The following WWP1 variants were observed in gnomAD, a reference collection of about 807,000 sequenced individuals.
WWP1 encodes the protein NEDD4-like E3 ubiquitin-protein ligase WWP1.
A neutral mutation model predicts 130.6 loss-of-function variants in WWP1; 49 were observed. That is an observed-to-expected ratio of 0.38 (90% CI 0.30 to 0.48). The LOEUF is 0.48. Ranked by LOEUF, WWP1 falls within the 20% of genes least tolerant of loss-of-function variation. The pLI is 0.99. For missense variants in WWP1, 809 were observed against 1,100.6 expected (o/e 0.74, Z 3.75); for synonymous variants, 332 against 367.8 (o/e 0.90, Z 1.11).
At chr8:86,461,509 A>G (rs899705240) in intron 23 of WWP1, 189 bp downstream of exon 23, 3 of 633,604 alleles carry the variant, frequency 4.7e-6, no homozygotes, top group South Asian at 4.0e-5. Flanking sequence ...GTGTCCTCAT[A>G]TAGCTGAGGT....
Position 86,427,717 on chromosome 8 carries a change from G to C in WWP1, c.1232G>C (p.Arg411Pro). The change falls in exon 11 of 25, where the codon CGG becomes CCG. Residue 411 changes from arginine to proline, a missense_variant. Around this residue, in one of 3 missense-constraint regions of WWP1, gnomAD observed 450 missense variants for 674.2 expected, o/e 0.67. Transcript: ENST00000517970. ...AACACCAGAACAACAACGTGGCAGC[G>C]GCCTACCATGGAATCTGTCCGAAAT... ...DHNTRTTTWQ[R>P]PTMESVRNFE... is the part of the protein sequence containing the mutation. 1 of 1,613,958 alleles carries C rather than the reference G, an allele frequency of 6.2e-7. No homozygotes were observed. Among genetic ancestry groups the C allele is most frequent in the Non-Finnish European group, 8.5e-7 (1 of 1,179,940 alleles).
intron 14 of WWP1, among the ~76,000 whole-genome samples, chr8:86,433,579 A>G (rs1278350810): frequency 5.9e-5 from 9 of 151,918 alleles, no homozygotes; most frequent in African/African-American, 1.9e-4. Flanking sequence ...AACAACAACA[A>G]AAACCCAGCT....
At chr8:86,396,165 C>A (rs1383762228) in intron 5 of WWP1, among the ~76,000 whole-genome samples, 1 of 151,632 alleles carries the variant, frequency 6.6e-6, no homozygotes, top group Non-Finnish European at 1.5e-5. Context: ...GTGGCGCGAT[C>A]TCAGCTCATT....
Position 86,342,817 on chromosome 8 carries a change from C to A in WWP1, c.-228C>A. ...CCGACGCCTGGGTGGCTGCTGCCGCCGCGCCTGCTGCGAGATGGCGATCTT... is the reference window on the plus strand; with the variant it reads ...CCGACGCCTGGGTGGCTGCTGCCGCAGCGCCTGCTGCGAGATGGCGATCTT... On this transcript the variant is annotated 5_prime_UTR_variant, in exon 1 of 25. Transcript: ENST00000517970. The A allele has an allele frequency of 2.7e-6, 1 of 369,046 alleles. No individual in the cohort carries two copies. Among genetic ancestry groups the A allele is most frequent in the Non-Finnish European group, 4.8e-6 (1 of 206,906 alleles). The allele number at this position is 369,046 out of a possible 1,614,324, so 22.9% of individuals were successfully genotyped here. A position where few individuals can be genotyped will look rare whatever the true frequency, so the allele number is the denominator to read the frequency against.
rs1563481313 is a variant in WWP1, at chr8:86,380,772, A to G, written c.117A>G (p.Ala39=). ...LKRKKNWFGT[A]IYTEVVVDGE... is the part of the protein sequence containing the mutation. ...GAAAAAAGAACTGGTTCGGAACAGCAATATATACAGAAGTAGTTGTAGATG... is the reference window on the plus strand; with the variant it reads ...GAAAAAAGAACTGGTTCGGAACAGCGATATATACAGAAGTAGTTGTAGATG... Residue 39 remains alanine, a synonymous_variant, in exon 4 of 25, where the codon GCA becomes GCG. Transcript: ENST00000517970. 6 of 1,612,804 alleles carry G rather than the reference A, an allele frequency of 3.7e-6. No individual in the cohort carries two copies. Among genetic ancestry groups the G allele is most frequent in the Admixed American group, 1.7e-5 (1 of 59,866 alleles).
intron 9 of WWP1, among the ~76,000 whole-genome samples, chr8:86,420,638 T>C (rs1279272344): frequency 6.6e-6 from 1 of 151,902 alleles, no homozygotes; most frequent in Non-Finnish European, 1.5e-5. Context: ...AAGAAGTAAA[T>C]ACCAAAAAAA....
intron 8 of WWP1, among the ~76,000 whole-genome samples, chr8:86,409,226 C>CTTTTTTTTTTTTTT (rs1230976832): frequency 1.5e-4 from 15 of 100,522 alleles, no homozygotes; most frequent in South Asian, 3.4e-4. Context: ...CTTTTTCTTT[C>CTTTTTTTTTTTTTT]TTTTTTTTTT....
intron 14 of WWP1, among the ~76,000 whole-genome samples, chr8:86,432,756 C>G (rs1016784227): frequency 6.6e-6 from 1 of 151,936 alleles, no homozygotes; most frequent in Non-Finnish European, 1.5e-5. Context: ...TACAGGCACC[C>G]GCCACCACAC....
At position 86,468,344 on chromosome 8, in the gene WWP1, G is replaced by A. The variant is rs200248439; in HGVS notation, c.*1451G>A. The A allele has an allele frequency of 8.9e-6, 4 of 447,694 alleles. No homozygotes were observed. The highest frequency in any genetic ancestry group is 1.6e-5 in the South Asian group (1 of 61,772). The allele number at this position is 447,694 out of a possible 1,614,324, so 27.7% of individuals were successfully genotyped here. A position where few individuals can be genotyped will look rare whatever the true frequency, so the allele number is the denominator to read the frequency against. ...TTTATTCAGAATTCATAGTAAAGAC[G>A]AAAGAAAGGCAGAGATCTGCTTGGT... is the stretch of plus-strand genomic sequence containing the variant. On this transcript the variant is annotated 3_prime_UTR_variant, in exon 25 of 25. Transcript: ENST00000517970.
At chr8:86,431,024 A>T (rs954138162) in intron 12 of WWP1, among the ~76,000 whole-genome samples, 1 of 123,690 alleles carries the variant, frequency 8.1e-6, no homozygotes, top group African/African-American at 2.7e-5. Flanking sequence ...TAAGGGATAT[A>T]TATGTATATT....
chr8:86,439,935 C>T (rs1383885413), intron 17 of WWP1, among the ~76,000 whole-genome samples: 1 of 152,074 alleles, frequency 6.6e-6, no homozygotes, highest in Non-Finnish European at 1.5e-5. Flanking sequence ...AGATACAGAA[C>T]CAAGTACAAC....
At chr8:86,359,260 G>C (rs1412918236) in intron 1 of WWP1, among the ~76,000 whole-genome samples, 1 of 152,172 alleles carries the variant, frequency 6.6e-6, no homozygotes, top group Admixed American at 6.5e-5. Flanking sequence ...GGACCAGTTT[G>C]ATAATAGTTG....
chr8:86,349,933 G>A (rs949988949), intron 1 of WWP1, among the ~76,000 whole-genome samples: 2 of 151,992 alleles, frequency 1.3e-5, no homozygotes, highest in Non-Finnish European at 2.9e-5. Context: ...TTGAGACCTA[G>A]GGGAGAAGGG....
intron 1 of WWP1, among the ~76,000 whole-genome samples, chr8:86,346,170 G>A (rs1822567028): frequency 1.3e-5 from 2 of 152,222 alleles, no homozygotes; most frequent in African/African-American, 4.8e-5. Context: ...TGGTGAGTCT[G>A]AGGGATGAAT....
intron 1 of WWP1, among the ~76,000 whole-genome samples, chr8:86,345,381 A>AT (rs1380400628): frequency 6.6e-6 from 1 of 152,166 alleles, no homozygotes; most frequent in Non-Finnish European, 1.5e-5. Flanking sequence ...AAAGTCATCC[A>AT]TGACACTCAT....
intron 5 of WWP1, among the ~76,000 whole-genome samples, chr8:86,383,147 A>G (rs1563483248): frequency 1.3e-5 from 2 of 150,904 alleles, no homozygotes; most frequent in Non-Finnish European, 2.9e-5. Context: ...TTTTTCTTAA[A>G]GCATTGTAAG....
intron 5 of WWP1, among the ~76,000 whole-genome samples, chr8:86,391,211 C>CT (rs1563490324): frequency 6.6e-6 from 1 of 152,178 alleles, no homozygotes; most frequent in East Asian, 1.9e-4. Flanking sequence ...GCTTTCACTC[C>CT]TTAACCTTCA....
chr8:86,372,186 G>A (rs1303135583), intron 2 of WWP1, among the ~76,000 whole-genome samples: 1 of 151,446 alleles, frequency 6.6e-6, no homozygotes, highest in Non-Finnish European at 1.5e-5. Context: ...ACCATGCCCG[G>A]CTAATTTTTG....
chr8:86,416,692 T>C (rs1245598167), intron 9 of WWP1, among the ~76,000 whole-genome samples: 2 of 152,042 alleles, frequency 1.3e-5, no homozygotes, highest in Admixed American at 1.3e-4. Context: ...AGGGTTATGG[T>C]TGAAGGTGAA....
Sources: gnomAD v4.1 joint callset for allele counts (sites outside exome capture counted in the v4.1 genomes callset) on GRCh38, gnomAD v4.1.1 for gene constraint, gnomAD v4.1.1 regional missense constraint, MANE v1.5 for transcripts, NCBI Gene and HGNC (gene_info 2026-07-23, HGNC 2026-07-21) for gene names.